CAMKMT: variants seen among roughly 807,000 people sequenced by gnomAD.
CAMKMT encodes calmodulin-lysine N-methyltransferase, also known as CaM KMT.
Under a neutral mutation model 48.0 loss-of-function variants are expected in CAMKMT, and 53 were observed. The observed-to-expected ratio is 1.10, with a 90% confidence interval of 0.89 to 1.39. The LOEUF is 1.39. CAMKMT is among the 40% of genes most tolerant of loss of function. CAMKMT has a pLI of 0.00. For missense variants in CAMKMT, 428 were observed against 402.7 expected (o/e 1.06, Z -0.54); for synonymous variants, 165 against 152.3 (o/e 1.08, Z -0.61).
At chr2:44,454,051 T>C (rs1357156829) in intron 3 of CAMKMT, among the ~76,000 whole-genome samples, 10 of 152,120 alleles carry the variant, frequency 6.6e-5, no homozygotes, top group Non-Finnish European at 1.5e-4. Flanking sequence ...ATTCTTTTAC[T>C]AAGAATAAGG....
intron 3 of CAMKMT, among the ~76,000 whole-genome samples, chr2:44,636,943 A>T (rs1012087626): frequency 6.6e-6 from 1 of 152,190 alleles, no homozygotes; most frequent in African/African-American, 2.4e-5. Flanking sequence ...GTAACATCAC[A>T]TCACAAGCCA....
chr2:44,646,015 T>C (rs1673710869), intron 3 of CAMKMT, among the ~76,000 whole-genome samples: 1 of 152,218 alleles, frequency 6.6e-6, no homozygotes, highest in African/African-American at 2.4e-5. Context: ...TAACCCTACA[T>C]GTGTTCCCAT....
At chr2:44,689,250 G>A (rs1676497547) in intron 3 of CAMKMT, among the ~76,000 whole-genome samples, 1 of 146,808 alleles carries the variant, frequency 6.8e-6, no homozygotes, top group South Asian at 2.2e-4. Context: ...TTCAAGACAT[G>A]ACCCAGCACT....
intron 3 of CAMKMT, among the ~76,000 whole-genome samples, chr2:44,596,504 A>T (rs983802779): frequency 6.6e-6 from 1 of 152,144 alleles, no homozygotes; most frequent in African/African-American, 2.4e-5. Context: ...TCTTACATCC[A>T]TCACAGACCT....
At chr2:44,604,155 G>C (rs1671152807) in intron 3 of CAMKMT, among the ~76,000 whole-genome samples, 1 of 152,138 alleles carries the variant, frequency 6.6e-6, no homozygotes, top group African/African-American at 2.4e-5. Context: ...GCCTTGATAT[G>C]GCCCTTGAAT....
chr2:44,405,277 C>G (rs974682945), intron 3 of CAMKMT, among the ~76,000 whole-genome samples: 3 of 152,024 alleles, frequency 2.0e-5, no homozygotes, highest in Non-Finnish European at 4.4e-5. Context: ...AGGAACATAA[C>G]TTGAAAACAG....
At chr2:44,644,115 C>T (rs189930263) in intron 3 of CAMKMT, among the ~76,000 whole-genome samples, 663 of 152,256 alleles carry the variant, frequency 4.4e-3, no homozygotes, top group Middle Eastern at 0.017. Flanking sequence ...TCTAATTGCT[C>T]ACAGAAATCA....
chr2:44,494,411 C>T (rs954356591), intron 3 of CAMKMT, among the ~76,000 whole-genome samples: 2 of 151,908 alleles, frequency 1.3e-5, no homozygotes, highest in African/African-American at 4.8e-5. Flanking sequence ...CACTTTTTTT[C>T]CCCCCTCTTC....
chr2:44,678,983 G>A (rs926709797), intron 3 of CAMKMT, among the ~76,000 whole-genome samples: 1 of 152,116 alleles, frequency 6.6e-6, no homozygotes, highest in Admixed American at 6.5e-5. Flanking sequence ...GAACCCAATA[G>A]CAGACTGGTT....
chr2:44,654,272 T>G (rs1331001586), intron 3 of CAMKMT, among the ~76,000 whole-genome samples: 1 of 152,172 alleles, frequency 6.6e-6, no homozygotes, highest in African/African-American at 2.4e-5. Context: ...GGTTTAGAAT[T>G]ATATAATTCA....
intron 3 of CAMKMT, among the ~76,000 whole-genome samples, chr2:44,694,867 G>T (rs1357740701): frequency 2.6e-5 from 4 of 152,182 alleles, no homozygotes; most frequent in Non-Finnish European, 5.9e-5. Context: ...CTCTTGTTTA[G>T]CCAATGCTTT....
chr2:44,582,040 T>C (rs769090363), intron 3 of CAMKMT, among the ~76,000 whole-genome samples: 7 of 152,368 alleles, frequency 4.6e-5, no homozygotes, highest in Non-Finnish European at 8.8e-5. Flanking sequence ...CAGAATGTTT[T>C]GTTTATATGA....
chr2:44,439,577 AC>A (rs1316435568), intron 3 of CAMKMT, among the ~76,000 whole-genome samples: 1 of 151,842 alleles, frequency 6.6e-6, no homozygotes, highest in African/African-American at 2.4e-5. Flanking sequence ...AGTGGCTCAC[AC>A]CTGTAATCCC....
intron 3 of CAMKMT, among the ~76,000 whole-genome samples, chr2:44,692,787 T>A (rs772620558): frequency 4.5e-4 from 68 of 152,174 alleles, no homozygotes; most frequent in Non-Finnish European, 7.9e-4. Flanking sequence ...ATTTTGCAGA[T>A]GAGGTTACTG....
chr2:44,580,964 TG>T (rs995474094), intron 3 of CAMKMT, among the ~76,000 whole-genome samples: 1 of 152,180 alleles, frequency 6.6e-6, no homozygotes, highest in African/African-American at 2.4e-5. Flanking sequence ...TGGACCCTGC[TG>T]GTTGTACCTT....
intron 10 of CAMKMT, among the ~76,000 whole-genome samples, chr2:44,771,402 C>T (rs1244682757): frequency 6.6e-6 from 1 of 152,016 alleles, no homozygotes; most frequent in Non-Finnish European, 1.5e-5. Flanking sequence ...TGTGAGAAAC[C>T]TAACTGGATT....
chr2:44,377,852 G>A lies in CAMKMT; in HGVS notation c.311+4964G>A, dbSNP rs116030877. Reference sequence around the variant, plus strand: ...ATCATACCTTCCATTTCTAGGGAAAGAAAAAGACAAACCAAACCCTCACCT... The same window carrying A: ...ATCATACCTTCCATTTCTAGGGAAAAAAAAAGACAAACCAAACCCTCACCT... On this transcript the variant is annotated intron_variant, in intron 2 of 10. Coordinates refer to ENST00000378494, the MANE Select transcript of CAMKMT (RefSeq NM_024766.5). Among the ~76,000 whole-genome samples, 1,118 of 152,018 alleles carry A rather than the reference G, an allele frequency of 7.4e-3. 12 individuals are homozygous for A. The highest frequency in any genetic ancestry group is 0.025 in the African/African-American group (1,033 of 41,486).
chr2:44,384,402 A>C (rs1680562163), intron 2 of CAMKMT, among the ~76,000 whole-genome samples: 1 of 151,690 alleles, frequency 6.6e-6, no homozygotes, highest in Non-Finnish European at 1.5e-5. Flanking sequence ...TTAGATTGTG[A>C]AGATTTTCTC....
chr2:44,373,453 C>A (rs1013641387), intron 2 of CAMKMT, among the ~76,000 whole-genome samples: 5 of 152,154 alleles, frequency 3.3e-5, no homozygotes, highest in African/African-American at 1.2e-4. Flanking sequence ...TACCATTTTA[C>A]TGAATTAATT....
Sources: allele counts gnomAD v4.1 joint callset (sites outside exome capture counted in the v4.1 genomes callset), GRCh38; gene constraint gnomAD v4.1.1; transcripts MANE v1.5; gene names NCBI Gene and HGNC (gene_info 2026-07-23, HGNC 2026-07-21).